NRXN1: variants seen among roughly 807,000 people sequenced by gnomAD.
NRXN1 encodes the protein neurexin 1, also known as neurexin-1.
Under a neutral mutation model 150.9 loss-of-function variants are expected in NRXN1, and 39 were observed. That is an observed-to-expected ratio of 0.26 (90% CI 0.20 to 0.34). NRXN1 has a LOEUF of 0.34. Among genes scored for constraint, NRXN1 ranks in the 10% least tolerant of loss-of-function variants. NRXN1 has a pLI of 1.00. For missense variants in NRXN1, 1,815 were observed against 1,949.9 expected (o/e 0.93, Z 1.30); for synonymous variants, 924 against 757.0 (o/e 1.22, Z -3.62).
intron 18 of NRXN1, among the ~76,000 whole-genome samples, chr2:50,145,146 T>G (rs1274464511): frequency 6.6e-6 from 1 of 151,776 alleles, no homozygotes; most frequent in Non-Finnish European, 1.5e-5. Flanking sequence ...ATCTATGATT[T>G]TTAAAAACTG....
intron 5 of NRXN1, among the ~76,000 whole-genome samples, chr2:50,723,673 C>A (rs1696956342): frequency 6.6e-6 from 1 of 152,206 alleles, no homozygotes; most frequent in Non-Finnish European, 1.5e-5. Flanking sequence ...GAGCATAGAT[C>A]AGTACCTGAG....
At chr2:50,473,294 T>C (rs2104715714) in intron 15 of NRXN1, among the ~76,000 whole-genome samples, 1 of 152,098 alleles carries the variant, frequency 6.6e-6, no homozygotes, top group African/African-American at 2.4e-5. Flanking sequence ...TGGAAGACAT[T>C]GCTTAGCTTT....
At chr2:50,751,399 G>C (rs1025855870) in intron 5 of NRXN1, among the ~76,000 whole-genome samples, 1 of 151,958 alleles carries the variant, frequency 6.6e-6, no homozygotes, top group Non-Finnish European at 1.5e-5. Flanking sequence ...TATTCTCCCA[G>C]ATCAGGACCT....
intron 12 of NRXN1, among the ~76,000 whole-genome samples, chr2:50,513,386 T>C (rs1375143164): frequency 6.6e-6 from 1 of 152,190 alleles, no homozygotes; most frequent in Non-Finnish European, 1.5e-5. Flanking sequence ...GTCTAGTTTT[T>C]TGAAATTAGG....
At chr2:50,332,328 T>G (rs1396700987) in intron 17 of NRXN1, among the ~76,000 whole-genome samples, 1 of 152,228 alleles carries the variant, frequency 6.6e-6, no homozygotes, top group East Asian at 1.9e-4. Flanking sequence ...GAAAATTTAC[T>G]TTTGCACACT....
In NRXN1 at chr2:50,623,634, T is replaced by A; in HGVS notation, c.833-19A>T. On this transcript the variant is annotated intron_variant, in intron 5 of 22. Coordinates refer to ENST00000401669, the MANE Select transcript of NRXN1 (RefSeq NM_001330078.2). ...TCTTTTCCTAGAGGAAAACAGATGA[T>A]ACATACATAAGTAAACAAATACACT... 1 of 1,575,596 alleles carries A rather than the reference T, an allele frequency of 6.3e-7. No individual in the cohort carries two copies. The highest frequency in any genetic ancestry group is 1.1e-5 in the South Asian group (1 of 89,726).
chr2:50,873,621 G>A (rs1678124698), intron 5 of NRXN1, among the ~76,000 whole-genome samples: 1 of 151,726 alleles, frequency 6.6e-6, no homozygotes, highest in Non-Finnish European at 1.5e-5. Flanking sequence ...TAGAGAACTT[G>A]AAAAAATTGA....
At chr2:50,002,107 A>G (rs1322694910) in intron 21 of NRXN1, among the ~76,000 whole-genome samples, 1 of 151,962 alleles carries the variant, frequency 6.6e-6, no homozygotes, top group Non-Finnish European at 1.5e-5. Context: ...AGCCCTGCCA[A>G]TTCTGTGATT....
chr2:50,251,961 A>T (rs918867239), intron 17 of NRXN1, among the ~76,000 whole-genome samples: 1 of 152,042 alleles, frequency 6.6e-6, no homozygotes, highest in Admixed American at 6.6e-5. Context: ...AGATTGCAAA[A>T]GTTTTCTCCT....
intron 17 of NRXN1, among the ~76,000 whole-genome samples, chr2:50,454,191 T>C (rs760482657): frequency 6.6e-5 from 10 of 152,096 alleles, no homozygotes; most frequent in Non-Finnish European, 1.2e-4. Context: ...TGGGGCGTAG[T>C]GGCGCATGCC....
intron 5 of NRXN1, among the ~76,000 whole-genome samples, chr2:50,763,832 G>C (rs1314004878): frequency 6.6e-6 from 1 of 151,752 alleles, no homozygotes; most frequent in African/African-American, 2.4e-5. Context: ...GAATAATTTT[G>C]CCATAAAAAA....
At chr2:50,898,337 C>A (rs1682347462) in intron 5 of NRXN1, among the ~76,000 whole-genome samples, 1 of 152,092 alleles carries the variant, frequency 6.6e-6, no homozygotes, top group African/African-American at 2.4e-5. Flanking sequence ...ATTTTAACTG[C>A]AGTTTTATTT....
intron 17 of NRXN1, among the ~76,000 whole-genome samples, chr2:50,283,818 A>G (rs1297945189): frequency 6.6e-6 from 1 of 152,170 alleles, no homozygotes; most frequent in Non-Finnish European, 1.5e-5. Flanking sequence ...CCCTATTAAA[A>G]GTCCCTCTCC....
At chr2:50,153,060 A>C (rs2058787603) in intron 18 of NRXN1, among the ~76,000 whole-genome samples, 1 of 151,620 alleles carries the variant, frequency 6.6e-6, no homozygotes, top group Admixed American at 6.6e-5. Flanking sequence ...TCAATAGGTA[A>C]AAATCTTGAC....
chr2:50,624,637 G>A (rs1439286783), intron 5 of NRXN1, among the ~76,000 whole-genome samples: 1 of 151,966 alleles, frequency 6.6e-6, no homozygotes, highest in Non-Finnish European at 1.5e-5. Flanking sequence ...TGGATGGAGG[G>A]AGTAGTGATA....
chr2:50,596,153 T>C (rs1042408620), intron 8 of NRXN1, among the ~76,000 whole-genome samples: 1 of 152,200 alleles, frequency 6.6e-6, no homozygotes. Flanking sequence ...CATGGCCAAC[T>C]TTCTAAGAAA....
chr2:50,043,649 T>C (rs1691359324), intron 21 of NRXN1, among the ~76,000 whole-genome samples: 1 of 152,158 alleles, frequency 6.6e-6, no homozygotes, highest in Non-Finnish European at 1.5e-5. Flanking sequence ...GATGCAAAGG[T>C]AAGCTTGGAG....
At chr2:50,600,096 C>T (rs1675996936) in intron 8 of NRXN1, among the ~76,000 whole-genome samples, 1 of 151,984 alleles carries the variant, frequency 6.6e-6, no homozygotes, top group Non-Finnish European at 1.5e-5. Context: ...AGGAGAAATG[C>T]AGAATGTCAC....
intron 2 of NRXN1, among the ~76,000 whole-genome samples, chr2:51,014,805 G>GTAGA (rs1668418501): frequency 6.6e-6 from 1 of 151,966 alleles, no homozygotes; most frequent in Non-Finnish European, 1.5e-5. Context: ...GGGTTGTAGA[G>GTAGA]TAGACCAAAT....
Sources: allele counts gnomAD v4.1 joint callset (sites outside exome capture counted in the v4.1 genomes callset), GRCh38; gene constraint gnomAD v4.1.1; transcripts MANE v1.5; gene names NCBI Gene and HGNC (gene_info 2026-07-23, HGNC 2026-07-21).